COP1: variants seen among roughly 807,000 people sequenced by gnomAD.
COP1 encodes the protein COP1 E3 ubiquitin ligase.
In COP1, 24 loss-of-function variants were observed where a neutral mutation model predicts 101.3. The observed-to-expected ratio is 0.24, with a 90% CI of 0.17 to 0.33. COP1 has a LOEUF of 0.33. COP1 is among the 10% of genes least tolerant of loss of function. COP1 has a pLI of 1.00. For synonymous variants in COP1, 347 were observed against 341.9 expected (o/e 1.01, Z -0.17); for missense variants, 663 against 906.2 (o/e 0.73, Z 3.45).
chr1:176,182,375 T>C (rs574638772), intron 2 of COP1, among the ~76,000 whole-genome samples: 1 of 152,322 alleles, frequency 6.6e-6, no homozygotes, highest in African/African-American at 2.4e-5. Flanking sequence ...GAACTTGTTC[T>C]TTTAGCGCTA....
chr1:176,163,901 G>T lies in COP1; in HGVS notation c.566-10C>A, dbSNP rs771752512. ...AGAATGAGTTCATTCACTGAAAACA[G>T]AAACAAAATAAAAAGCACACATAAT... On this transcript the variant is annotated splice_polypyrimidine_tract_variant and intron_variant, in intron 3 of 19. Coordinates refer to ENST00000367669, the MANE Select transcript of COP1 (RefSeq NM_022457.7). 1 of 1,565,814 alleles carries T rather than the reference G, an allele frequency of 6.4e-7. No individual in the cohort carries two copies. The highest frequency in any genetic ancestry group is 8.7e-7 in the Non-Finnish European group (1 of 1,147,518).
At chr1:176,136,287 A>G (rs531183253) in intron 7 of COP1, among the ~76,000 whole-genome samples, 14 of 152,162 alleles carry the variant, frequency 9.2e-5, no homozygotes, top group African/African-American at 3.4e-4. Flanking sequence ...AAACATTGTA[A>G]AACAAATTTA....
chr1:176,046,040 T>C (rs1202424088), intron 12 of COP1, 141 bp downstream of exon 12: 1 of 573,298 alleles, frequency 1.7e-6, no homozygotes, highest in African/African-American at 2.0e-5. Context: ...TAAGTAATAA[T>C]ATATACTCTG....
intron 11 of COP1, among the ~76,000 whole-genome samples, chr1:176,057,218 G>T (rs1477886765): frequency 6.6e-6 from 1 of 152,118 alleles, no homozygotes; most frequent in Non-Finnish European, 1.5e-5. Context: ...GCTCCGAAAT[G>T]ATTCTAAACA....
At chr1:176,040,780 C>T (rs1488714564) in intron 14 of COP1, among the ~76,000 whole-genome samples, 1 of 152,072 alleles carries the variant, frequency 6.6e-6, no homozygotes, top group East Asian at 1.9e-4. Context: ...TATTAAAAGG[C>T]CAAAGGGAAA....
chr1:176,152,202 G>A (rs1230600665), intron 5 of COP1, among the ~76,000 whole-genome samples: 1 of 151,948 alleles, frequency 6.6e-6, no homozygotes, highest in African/African-American at 2.4e-5. Context: ...CAAGGCTGCA[G>A]TGAGCAGTGA....
chr1:176,027,420 A>T (rs985775102), intron 15 of COP1, 152 bp downstream of exon 15: 2 of 605,550 alleles, frequency 3.3e-6, no homozygotes, highest in Non-Finnish European at 5.9e-6. Flanking sequence ...TAAATGAGTA[A>T]TGATGGCATA....
At chr1:176,080,163 C>T (rs1164080464) in intron 11 of COP1, among the ~76,000 whole-genome samples, 1 of 151,966 alleles carries the variant, frequency 6.6e-6, no homozygotes, top group Non-Finnish European at 1.5e-5. Flanking sequence ...TTTTATCTGT[C>T]AATTTTAAAA....
intron 11 of COP1, among the ~76,000 whole-genome samples, chr1:176,078,593 A>G (rs1259032678): frequency 6.7e-6 from 1 of 149,720 alleles, no homozygotes; most frequent in Non-Finnish European, 1.5e-5. Context: ...CAAATAATTT[A>G]TGGCTAAGTC....
intron 1 of COP1, among the ~76,000 whole-genome samples, chr1:176,195,282 G>A (rs1226110682): frequency 6.6e-6 from 1 of 152,196 alleles, no homozygotes; most frequent in Non-Finnish European, 1.5e-5. Context: ...AAATGATAAG[G>A]AGATCAATTC....
intron 18 of COP1, among the ~76,000 whole-genome samples, chr1:175,976,124 G>A (rs1216681775): frequency 6.6e-6 from 1 of 151,950 alleles, no homozygotes; most frequent in East Asian, 1.9e-4. Flanking sequence ...TAAGAATATT[G>A]GTAATAAACA....
chr1:176,076,509 T>TC (rs1451780701), intron 11 of COP1, among the ~76,000 whole-genome samples: 1 of 150,860 alleles, frequency 6.6e-6, no homozygotes, highest in African/African-American at 2.4e-5. Context: ...AAAAATGCCT[T>TC]CATCAAGAGG....
intron 15 of COP1, among the ~76,000 whole-genome samples, chr1:176,019,505 T>TAACAAC (rs1553223371): frequency 1.5e-5 from 2 of 133,186 alleles, no homozygotes; most frequent in African/African-American, 5.5e-5. Context: ...ATAATAATAA[T>TAACAAC]AACCATCATC....
chr1:176,001,311 G>C (rs547019746), intron 15 of COP1, among the ~76,000 whole-genome samples: 2 of 152,210 alleles, frequency 1.3e-5, no homozygotes, highest in African/African-American at 4.8e-5. Flanking sequence ...TCAAGTATTT[G>C]AGTACGATGT....
chr1:175,966,502 A>G (rs1349408744), intron 18 of COP1, among the ~76,000 whole-genome samples: 18 of 152,224 alleles, frequency 1.2e-4, no homozygotes, highest in Non-Finnish European at 2.9e-5. Context: ...CCAAATTCAT[A>G]CACACAGCTA....
intron 9 of COP1, among the ~76,000 whole-genome samples, chr1:176,108,219 ACT>A (rs903787246): frequency 1.3e-5 from 2 of 152,190 alleles, no homozygotes; most frequent in Non-Finnish European, 1.5e-5. Flanking sequence ...CAGAAATATA[ACT>A]CTATAAAGTT....
At chr1:176,027,019 A>C (rs1358063349) in intron 15 of COP1, among the ~76,000 whole-genome samples, 2 of 152,208 alleles carry the variant, frequency 1.3e-5, no homozygotes, top group Non-Finnish European at 2.9e-5. Flanking sequence ...AAACACCGAC[A>C]TATGGTCACC....
chr1:176,159,683 T>C (rs944385202), intron 5 of COP1, among the ~76,000 whole-genome samples: 4 of 152,320 alleles, frequency 2.6e-5, no homozygotes, highest in Admixed American at 1.3e-4. Context: ...CAAATAGGTA[T>C]ATTTCAAAAG....
chr1:176,165,590 G>A (rs1695014344), intron 3 of COP1, among the ~76,000 whole-genome samples: 1 of 152,112 alleles, frequency 6.6e-6, no homozygotes, highest in South Asian at 2.1e-4. Context: ...AGCTACTCGG[G>A]AGGCTTAGGA....
Sources: gnomAD v4.1 joint callset for allele counts (sites outside exome capture counted in the v4.1 genomes callset) on GRCh38, gnomAD v4.1.1 for gene constraint, MANE v1.5 for transcripts, NCBI Gene and HGNC (gene_info 2026-07-23, HGNC 2026-07-21) for gene names.